SNX30: variants seen among roughly 807,000 people sequenced by gnomAD.
SNX30 encodes the protein sorting nexin-30.
In SNX30, 24 loss-of-function variants were observed where a neutral mutation model predicts 46.4. The ratio of observed to expected loss-of-function variants is 0.52; its 90% CI spans 0.37 to 0.73. The LOEUF is 0.73. Among genes scored for constraint, SNX30 ranks in the 30% least tolerant of loss-of-function variants. The pLI is 0.00. For missense variants in SNX30, 533 were observed against 555.7 expected, an observed-to-expected ratio of 0.96 and a Z score of 0.41; for synonymous variants, 189 against 211.5, an observed-to-expected ratio of 0.89 and a Z score of 0.92.
chr9:112,819,955 T>A (rs561158778), intron 3 of SNX30, among the ~76,000 whole-genome samples: 1 of 152,318 alleles, frequency 6.6e-6, no homozygotes, highest in South Asian at 2.1e-4. Context: ...ACTGTACTCT[T>A]TGGAAGAAAG....
At chr9:112,784,739 G>A (rs899563580) in intron 1 of SNX30, among the ~76,000 whole-genome samples, 1 of 152,162 alleles carries the variant, frequency 6.6e-6, no homozygotes, top group African/African-American at 2.4e-5. Flanking sequence ...CTCATAGCTG[G>A]TAGGAGAACT....
At chr9:112,767,123 T>TCC (rs199800233) in intron 1 of SNX30, among the ~76,000 whole-genome samples, 2 of 146,232 alleles carry the variant, frequency 1.4e-5, no homozygotes, top group Non-Finnish European at 1.5e-5. Context: ...CTAATTATTT[T>TCC]ATTTTTTTTT....
intron 1 of SNX30, among the ~76,000 whole-genome samples, chr9:112,753,113 G>A (rs1839301660): frequency 6.6e-6 from 1 of 152,232 alleles, no homozygotes; most frequent in Admixed American, 6.5e-5. Context: ...ATCAGGGTGT[G>A]TATACCAAGA....
At chr9:112,783,651 G>T (rs951556376) in intron 1 of SNX30, among the ~76,000 whole-genome samples, 1 of 152,160 alleles carries the variant, frequency 6.6e-6, no homozygotes, top group Non-Finnish European at 1.5e-5. Context: ...CCAAGGGTGG[G>T]TCCATATGTC....
intron 1 of SNX30, among the ~76,000 whole-genome samples, chr9:112,785,276 T>C (rs1172400048): frequency 2.6e-5 from 4 of 151,888 alleles, no homozygotes; most frequent in African/African-American, 4.8e-5. Context: ...AGTATGGTAG[T>C]GTGATCACAG....
chr9:112,816,858 G>A (rs998027276), intron 2 of SNX30, among the ~76,000 whole-genome samples: 9 of 152,016 alleles, frequency 5.9e-5, no homozygotes, highest in Admixed American at 2.0e-4. Context: ...TGTGAGACAC[G>A]GTGTAATTTG....
At chr9:112,770,803 C>T (rs1222405259) in intron 1 of SNX30, among the ~76,000 whole-genome samples, 1 of 152,138 alleles carries the variant, frequency 6.6e-6, no homozygotes, top group Non-Finnish European at 1.5e-5. Flanking sequence ...AGAGACCATC[C>T]TGGCCAACAT....
intron 2 of SNX30, among the ~76,000 whole-genome samples, chr9:112,807,281 G>A (rs1840244004): frequency 6.6e-6 from 1 of 152,020 alleles, no homozygotes; most frequent in African/African-American, 2.4e-5. Context: ...GGCCAGCCTG[G>A]TCTTGAACTC....
chr9:112,860,846 G>A (rs991592071), intron 7 of SNX30, among the ~76,000 whole-genome samples: 3 of 152,186 alleles, frequency 2.0e-5, no homozygotes, highest in African/African-American at 4.8e-5. Flanking sequence ...TTTGTGAACA[G>A]CAAATTATAA....
At chr9:112,796,616 T>C (rs1024055954) in intron 1 of SNX30, among the ~76,000 whole-genome samples, 1 of 152,214 alleles carries the variant, frequency 6.6e-6, no homozygotes, top group African/African-American at 2.4e-5. Flanking sequence ...GGAGGTCTAT[T>C]GCCATGAGTA....
intron 1 of SNX30, among the ~76,000 whole-genome samples, chr9:112,796,558 G>T (rs563793510): frequency 6.6e-6 from 1 of 152,316 alleles, no homozygotes; most frequent in Admixed American, 6.5e-5. Flanking sequence ...TGATGAGCTT[G>T]TCCATCTGCC....
At chr9:112,862,369 A>G (rs564377358) in intron 7 of SNX30, among the ~76,000 whole-genome samples, 2 of 152,246 alleles carry the variant, frequency 1.3e-5, no homozygotes, top group South Asian at 4.1e-4. Flanking sequence ...CCCCAATGCA[A>G]GTGTGAGCAG....
At chr9:112,865,653 A>ATGTGTGTGTGTGTGTG (rs1219477432) in intron 8 of SNX30, among the ~76,000 whole-genome samples, 1 of 110,444 alleles carries the variant, frequency 9.1e-6, no homozygotes, top group Non-Finnish European at 1.9e-5. Flanking sequence ...ATATATATAT[A>ATGTGTGTGTGTGTGTG]TATATATATG....
intron 6 of SNX30, among the ~76,000 whole-genome samples, chr9:112,849,974 C>T (rs954029535): frequency 6.6e-6 from 1 of 152,220 alleles, no homozygotes; most frequent in Admixed American, 6.5e-5. Context: ...TCTAGAAGGT[C>T]TACTGCAAGC....
downstream of SNX30, chr9:112,879,663 A>G (rs1588148136): frequency 9.0e-7 from 1 of 1,107,576 alleles, no homozygotes; most frequent in Non-Finnish European, 1.3e-6. Flanking sequence ...AGGTTTCTTA[A>G]GCAGTGGGTT....
At chr9:112,821,585 C>A (rs1013080511) in intron 3 of SNX30, among the ~76,000 whole-genome samples, 54 of 151,558 alleles carry the variant, frequency 3.6e-4, no homozygotes, top group Non-Finnish European at 3.1e-4. Flanking sequence ...CTCCCGGGTT[C>A]ACGTCATTCT....
chr9:112,804,412 G>C (rs571082273), intron 1 of SNX30, among the ~76,000 whole-genome samples: 2 of 152,292 alleles, frequency 1.3e-5, no homozygotes, highest in East Asian at 3.9e-4. Context: ...TGAGCCACCT[G>C]TCTCGGCCTC....
In SNX30 at chr9:112,874,515, G is replaced by A. The variant is rs953410307; in HGVS notation, c.*5672G>A. On this transcript the variant is annotated 3_prime_UTR_variant, in exon 9 of 9. Coordinates refer to ENST00000374232, the MANE Select transcript of SNX30 (RefSeq NM_001012994.2). ...CTTATTTTTAAAAGTCATTCTTTAC[G>A]TTTAAAATTTTAAAATAAAAACCTT... The A allele has an allele frequency of 5.9e-5, 9 of 152,128 alleles. No homozygotes were observed. Among genetic ancestry groups the A allele is most frequent in the African/African-American group, 9.7e-5 (4 of 41,422 alleles). 9.4% of individuals were successfully genotyped at this position (152,128 alleles called of 1,614,324 possible). A position where few individuals can be genotyped will look rare whatever the true frequency, so the allele number is the denominator to read the frequency against.
At chr9:112,781,349 A>G (rs1839844662) in intron 1 of SNX30, among the ~76,000 whole-genome samples, 2 of 152,100 alleles carry the variant, frequency 1.3e-5, no homozygotes, top group Non-Finnish European at 1.5e-5. Flanking sequence ...CAAACAACCT[A>G]TTTTCATGTA....
Sources: gnomAD v4.1 joint callset for allele counts (sites outside exome capture counted in the v4.1 genomes callset) on GRCh38, gnomAD v4.1.1 for gene constraint, MANE v1.5 for transcripts, NCBI Gene and HGNC (gene_info 2026-07-23, HGNC 2026-07-21) for gene names.